CIT: variants seen among roughly 807,000 people sequenced by gnomAD.
The protein encoded by CIT is citron rho-interacting serine/threonine kinase.
In CIT, 79 loss-of-function variants were observed where a neutral mutation model predicts 272.7. That is an observed-to-expected ratio of 0.29 (90% confidence interval 0.24 to 0.35). The LOEUF (loss-of-function observed/expected upper bound fraction) is 0.35. Among genes scored for constraint, CIT ranks in the 10% least tolerant of loss-of-function variants. CIT has a pLI of 1.00. For synonymous variants in CIT, 948 were observed against 995.6 expected, an observed-to-expected ratio of 0.95 and a Z score of 0.90; for missense variants, 1,909 against 2,618.3, an observed-to-expected ratio of 0.73 and a Z score of 5.91.
intron 5 of CIT, among the ~76,000 whole-genome samples, chr12:119,847,661 C>T (rs541950437): frequency 1.1e-4 from 17 of 152,142 alleles, no homozygotes; most frequent in Middle Eastern, 3.4e-3. Context: ...GAGGCCAAGG[C>T]GGGCAGATCA....
At chr12:119,737,123 C>A (rs1408662101) in intron 24 of CIT, among the ~76,000 whole-genome samples, 3 of 151,872 alleles carry the variant, frequency 2.0e-5, no homozygotes, top group African/African-American at 7.3e-5. Flanking sequence ...CCGGCTAACA[C>A]GGTGAAACCC....
chr12:119,850,452 AGGGAAGGGAAG>A (rs1257858804), intron 4 of CIT, among the ~76,000 whole-genome samples, 177 bp from the exon 5 acceptor site: 8 of 148,122 alleles, frequency 5.4e-5, no homozygotes, highest in Non-Finnish European at 8.9e-5. Flanking sequence ...AGGGAAGGAA[AGGGAAGGGAAG>A]GGGAAGGGAA....
Position 119,734,262 on chromosome 12 carries a change from C to T in CIT, c.3252G>A (p.Gln1084=). ...CCAGGACGCTCCTCCAGGCCTCCCA[C>T]TGCCGCTCTTTTTCTAGCAGCTCAT... ...LNDELLEKER[Q]WEAWRSVLGD... is the part of the protein sequence containing the mutation. Residue 1084 remains glutamine (Q), a synonymous_variant, in exon 26 of 48, where the codon CAG becomes CAA. Coordinates refer to ENST00000392521, the MANE Select transcript of CIT (RefSeq NM_001206999.2). 1 of 1,614,088 alleles carries T rather than the reference C, an allele frequency of 6.2e-7. No individual in the cohort carries two copies. The highest frequency in any genetic ancestry group is 8.5e-7 in the Non-Finnish European group (1 of 1,180,020).
At position 119,713,562 on chromosome 12, in the gene CIT, C is replaced by T. The variant is rs150217898; in HGVS notation, c.4393G>A (p.Glu1465Lys). 353 of 1,614,210 alleles carry T rather than the reference C, an allele frequency of 2.2e-4. No homozygotes were observed. Among genetic ancestry groups the T allele is most frequent in the Non-Finnish European group, 2.9e-4 (341 of 1,180,042 alleles). Residue 1465 changes from glutamate to lysine, a missense_variant, in exon 34 of 48, where the codon GAG becomes AAG. Physicochemically the swap from Glu to Lys is moderately conservative, Grantham distance 56. Around this residue, in one of 8 missense-constraint regions of CIT, gnomAD observed 780 missense variants for 1,067.2 expected, o/e 0.73. Coordinates refer to ENST00000392521, the MANE Select transcript of CIT (RefSeq NM_001206999.2). This position sits in a 1 kb window ranked among gnomAD's most constrained non-coding sequence, Gnocchi z 5.2. ...TTCATTTTGTCACGGCAGAAGGCCT[C>T]GGTGAAGTGTGTGGCATATTCAGCA... ...LPAEYATHFT[E>K]AFCRDKMNSP...
chr12:119,778,471 A>T (rs1263116575), intron 13 of CIT, among the ~76,000 whole-genome samples: 2 of 152,196 alleles, frequency 1.3e-5, no homozygotes, highest in African/African-American at 2.4e-5. Flanking sequence ...AAATCACAAT[A>T]TTCAGTAACA....
intron 26 of CIT, among the ~76,000 whole-genome samples, chr12:119,733,358 C>T (rs147699782): frequency 0.057 from 8,585 of 151,676 alleles, 369 homozygotes; most frequent in African/African-American, 0.12. Flanking sequence ...GGTGAAACCC[C>T]GTCTCTACAA....
intron 22 of CIT, among the ~76,000 whole-genome samples, chr12:119,757,049 G>A (rs1961081529): frequency 1.3e-5 from 2 of 151,766 alleles, no homozygotes; most frequent in Non-Finnish European, 2.9e-5. Context: ...GAACCCAGGA[G>A]GCGGAGGCTG....
rs534854524 is a variant in CIT, at chr12:119,765,349, T to C, written c.2304+1738A>G. 2.8e-4 allele frequency among the ~76,000 whole-genome samples: 41 copies of C among 147,180 alleles called. No individual in the cohort carries two copies. The South Asian group carries it at 7.2e-3, about 26-fold the overall frequency. ...GCCTACTGTGCTGAGCAAGACCATG[T>C]CTCTAAATATATATATATTATATAT... On this transcript the variant is annotated intron_variant, in intron 19 of 47. Transcript: ENST00000392521.
intron 16 of CIT, 74 bp from the exon 17 acceptor site, chr12:119,772,984 C>A: frequency 1.7e-6 from 2 of 1,180,074 alleles, no homozygotes; most frequent in Non-Finnish European, 2.3e-6. Context: ...GTATGTTCTG[C>A]ACATGTATCC....
intron 24 of CIT, among the ~76,000 whole-genome samples, chr12:119,738,886 G>GAA (rs34799621): frequency 8.2e-6 from 1 of 121,908 alleles, no homozygotes. Context: ...TCAATCTCCA[G>GAA]AAAAAAAAAA....
chr12:119,711,005 G>A (rs748289850), intron 37 of CIT: 1 of 1,364,638 alleles, frequency 7.3e-7, no homozygotes, highest in Non-Finnish European at 9.8e-7. Flanking sequence ...AAGTGCAAAG[G>A]CGCCGTGTTA....
At position 119,784,418 on chromosome 12, in the gene CIT, C is replaced by T. The variant is rs1964580994; in HGVS notation, c.1402-367G>A. 9 of 1,219,424 alleles carry T rather than the reference C, an allele frequency of 7.4e-6. No homozygotes were observed. The highest frequency in any genetic ancestry group is 7.3e-6 in the Non-Finnish European group (7 of 961,106). The allele number at this position is 1,219,424 out of a possible 1,614,324, so 75.5% of individuals were successfully genotyped here. ...ATCTTGATCCCCCCCCATCTCCTTG[C>T]AAAGATCTAGAGGACAAATCCAGGA... On this transcript the variant is annotated intron_variant, in intron 11 of 47. Transcript: ENST00000392521. The surrounding 1 kb of genome is among the most constrained non-coding windows in gnomAD (Gnocchi z 4.7).
Position 119,713,304 on chromosome 12 carries a change from G to C in CIT, c.4488-10C>G, listed in dbSNP as rs1341755746. 1 of 1,612,906 alleles carries C rather than the reference G, an allele frequency of 6.2e-7. No individual in the cohort carries two copies. The highest frequency in any genetic ancestry group is 1.7e-5 in the Admixed American group (1 of 59,962). ...TCCTCGTTTGTTATTCCTGGGGAAA[G>C]AAAGATGGAAAAGAAAAATGTCTGA... is the stretch of plus-strand genomic sequence containing the variant. On this transcript the variant is annotated splice_polypyrimidine_tract_variant and intron_variant, in intron 34 of 47. Transcript: ENST00000392521. The surrounding 1 kb of genome is among the most constrained non-coding windows in gnomAD (Gnocchi z 5.2).
At chr12:119,868,539 T>C (rs956188278) in intron 3 of CIT, among the ~76,000 whole-genome samples, 1 of 152,012 alleles carries the variant, frequency 6.6e-6, no homozygotes, top group Non-Finnish European at 1.5e-5. Context: ...CATGAGCCAA[T>C]AAATTCACTC....
At chr12:119,769,179 T>G (rs1962806925) in intron 18 of CIT, among the ~76,000 whole-genome samples, 1 of 92,542 alleles carries the variant, frequency 1.1e-5, no homozygotes, top group South Asian at 3.2e-4. Flanking sequence ...ACTGACAACT[T>G]TAAGACCAAA....
At chr12:119,839,914 AAAGG>A (rs1593917921) in intron 5 of CIT, among the ~76,000 whole-genome samples, 1 of 152,214 alleles carries the variant, frequency 6.6e-6, no homozygotes, top group East Asian at 1.9e-4. Flanking sequence ...TGAAGGGACA[AAAGG>A]AAGAAGCTAT....
At position 119,713,338 on chromosome 12, in the gene CIT, G is replaced by A; in HGVS notation, c.4488-44C>T. On this transcript the variant is annotated intron_variant, in intron 34 of 47. Coordinates refer to ENST00000392521, the MANE Select transcript of CIT (RefSeq NM_001206999.2). The surrounding 1 kb of genome is among the most constrained non-coding windows in gnomAD (Gnocchi z 5.2). ...AAAAGAAAAATGTCTGAACTCAGAA[G>A]AAACATCCGGCTGGAGGATAGGATG... is the stretch of plus-strand genomic sequence containing the variant. 1 of 1,597,820 alleles carries A rather than the reference G, an allele frequency of 6.3e-7. No individual in the cohort carries two copies. Among genetic ancestry groups the A allele is most frequent in the Middle Eastern group, 1.7e-4 (1 of 6,010 alleles).
In CIT at chr12:119,694,939, T is replaced by A. The variant is rs1956150014; in HGVS notation, c.5882+2720A>T. ...ACAAGATCACTGGCAGTTGTCAAAA[T>A]CAACTTTTCAGAGCTCTAGAAATTA... is the stretch of plus-strand genomic sequence containing the variant. On this transcript the variant is annotated intron_variant, in intron 46 of 47. Coordinates refer to ENST00000392521, the MANE Select transcript of CIT (RefSeq NM_001206999.2). The surrounding 1 kb of genome is among the most constrained non-coding windows in gnomAD (Gnocchi z 4.5). 6.6e-6 allele frequency among the ~76,000 whole-genome samples: 1 copy of A among 152,138 alleles called. No individual in the cohort carries two copies. The highest frequency in any genetic ancestry group is 1.5e-5 in the Non-Finnish European group (1 of 68,022).
intron 28 of CIT, among the ~76,000 whole-genome samples, chr12:119,726,385 ATTTTTTTTTT>A (rs3999547): frequency 1.6e-4 from 16 of 101,446 alleles, no homozygotes; most frequent in East Asian, 5.6e-4. Flanking sequence ...CACTTGGCTA[ATTTTTTTTTT>A]TTTTTTTTTT....
Sources: gnomAD v4.1 joint callset for allele counts (sites outside exome capture counted in the v4.1 genomes callset) on GRCh38, gnomAD v4.1.1 for gene constraint, gnomAD v4.1.1 regional missense constraint, Gnocchi (gnomAD v3.1) non-coding constraint, MANE v1.5 for transcripts, NCBI Gene and HGNC (gene_info 2026-07-23, HGNC 2026-07-21) for gene names.